The following EVC variants were observed in gnomAD, a reference collection of about 807,000 sequenced individuals.
EVC encodes EvC ciliary complex subunit 1.
EVC carries 116 observed loss-of-function variants against 118.9 expected under a neutral mutation model. The ratio of observed to expected loss-of-function variants is 0.98; its 90% CI spans 0.84 to 1.14. The LOEUF (loss-of-function observed/expected upper bound fraction) is 1.14, where lower values mean the gene tolerates loss of function less well. Ranked by LOEUF, EVC falls within the 50% of genes most tolerant of loss-of-function variation. EVC has a pLI of 0.00. For synonymous variants in EVC, 619 were observed against 534.7 expected, an observed-to-expected ratio of 1.16 and a Z score of -2.18; for missense variants, 1,401 against 1,246.4, an observed-to-expected ratio of 1.12 and a Z score of -1.87.
chr4:5,794,918 T>C (rs1307733560), intron 13 of EVC, among the ~76,000 whole-genome samples: 1 of 152,166 alleles, frequency 6.6e-6, no homozygotes, highest in Non-Finnish European at 1.5e-5. Context: ...CCAGGGTCTA[T>C]TGTTCCCATC....
At chr4:5,799,432 C>T (rs1395937410) in intron 15 of EVC, among the ~76,000 whole-genome samples, 2 of 152,188 alleles carry the variant, frequency 1.3e-5, no homozygotes, top group Non-Finnish European at 2.9e-5. Flanking sequence ...TTTTTCTTCC[C>T]GTTGGGAAAA....
intron 2 of EVC, among the ~76,000 whole-genome samples, chr4:5,723,265 C>T (rs534921343): frequency 1.3e-5 from 2 of 152,016 alleles, no homozygotes; most frequent in African/African-American, 4.8e-5. Flanking sequence ...TCTCGGCTCC[C>T]TGCAACCTCT....
chr4:5,802,791 TACAGATGAAGCTTCGCTC>T (rs1715241687), intron 16 of EVC, among the ~76,000 whole-genome samples: 1 of 152,134 alleles, frequency 6.6e-6, no homozygotes, highest in Admixed American at 6.5e-5. Context: ...CGGCTGTAAA[TACAGATGAAGCTTCGCTC>T]ACTCATCTGC....
chr4:5,825,652 C>T, the EVC span: 10 of 1,612,220 alleles, frequency 6.2e-6, no homozygotes, highest in Non-Finnish European at 8.5e-7. The surrounding 1 kb of genome is among the most constrained non-coding windows in gnomAD (Gnocchi z 4.4). Context: ...CCCTTGCAAT[C>T]CAAAAACCTA....
Position 5,749,556 on chromosome 4 carries a change from G to A in EVC, c.1098+1250G>A, listed in dbSNP as rs1577425954. On this transcript the variant is annotated intron_variant, in intron 8 of 20. Coordinates refer to ENST00000264956, the MANE Select transcript of EVC (RefSeq NM_153717.3). The surrounding 1 kb of genome is among the most constrained non-coding windows in gnomAD (Gnocchi z 4.4). ...CTGTTCCTCTATTTATAAAATAATA[G>A]TGCTAAGAGTTGCCACAGACAGGGC... Among the ~76,000 whole-genome samples the A allele has an allele frequency of 6.6e-6, 1 of 152,064 alleles. No homozygotes were observed. Among genetic ancestry groups the A allele is most frequent in the South Asian group, 2.1e-4 (1 of 4,824 alleles).
downstream of EVC, among the ~76,000 whole-genome samples, chr4:5,815,544 C>G (rs1717536169): frequency 6.6e-6 from 1 of 152,088 alleles, no homozygotes; most frequent in Admixed American, 6.5e-5. Flanking sequence ...CAGGCACTGT[C>G]TTGGGAGTGA....
At position 5,719,441 on chromosome 4, in the gene EVC, G is replaced by A. The variant is rs530042498; in HGVS notation, c.300+68G>A. On this transcript the variant is annotated intron_variant, in intron 2 of 20. Coordinates refer to ENST00000264956, the MANE Select transcript of EVC (RefSeq NM_153717.3). This position sits in a 1 kb window ranked among gnomAD's most constrained non-coding sequence, Gnocchi z 4.7. ...AGGTGGGGTATTCCCCCTGGAAGCC[G>A]GGTGTCATGTAGACAAGCCTCTGAC... The A allele has an allele frequency of 5.8e-5, 94 of 1,610,624 alleles. No individual in the cohort carries two copies. Among genetic ancestry groups the A allele is most frequent in the Admixed American group, 2.8e-4 (17 of 59,978 alleles).
At chr4:5,806,580 A>C (rs1386847861) in intron 17 of EVC, among the ~76,000 whole-genome samples, 3 of 152,160 alleles carry the variant, frequency 2.0e-5, no homozygotes, top group Non-Finnish European at 2.9e-5. Context: ...CATTTTCCTT[A>C]TCCAGTCCTC....
At chr4:5,745,390 A>AAATTTTAG (rs753313712) in intron 7 of EVC, 49 bp downstream of exon 7, 1 of 1,601,174 alleles carries the variant, frequency 6.2e-7, no homozygotes, top group Non-Finnish European at 8.6e-7. Context: ...TTCCTAAAAC[A>AAATTTTAG]GTTAAATTGG....
chr4:5,760,574 C>CT (rs1731853664), intron 11 of EVC, among the ~76,000 whole-genome samples: 1 of 152,110 alleles, frequency 6.6e-6, no homozygotes. Context: ...TGTTTTCAGA[C>CT]AGAGTTTAGC....
intron 11 of EVC, among the ~76,000 whole-genome samples, chr4:5,770,731 C>T (rs1733813154): frequency 6.6e-6 from 1 of 152,174 alleles, no homozygotes; most frequent in South Asian, 2.1e-4. Flanking sequence ...AATGAATTGG[C>T]TGGGAGTGTT....
downstream of EVC, among the ~76,000 whole-genome samples, chr4:5,818,105 C>A (rs565906311): frequency 6.6e-6 from 1 of 152,082 alleles, no homozygotes; most frequent in Non-Finnish European, 1.5e-5. Flanking sequence ...AGTTTCCCCC[C>A]ATACTGTTCT....
At chr4:5,769,480 CT>C (rs1057120753) in intron 11 of EVC, among the ~76,000 whole-genome samples, 4 of 57,770 alleles carry the variant, frequency 6.9e-5, no homozygotes, top group South Asian at 3.7e-4. Flanking sequence ...TGAATCCCCC[CT>C]GTCTCTCGGC....
In EVC at chr4:5,741,760, T is replaced by TA. The variant is rs1553871792; in HGVS notation, c.752dup (p.Lys252GlufsTer4). 3 of 1,573,884 alleles carry TA rather than the reference T, an allele frequency of 1.9e-6. No homozygotes were observed. The highest frequency in any genetic ancestry group is 2.6e-6 in the Non-Finnish European group (3 of 1,145,016). Reference sequence around the variant, plus strand: ...AAATGTGCCTCCTTGACCTTCTTCCTAAAAAGAAGTCAGATGATGAACTAT... The same window carrying TA: ...AAATGTGCCTCCTTGACCTTCTTCCTAAAAAAGAAGTCAGATGATGAACTAT... On this transcript the variant is annotated frameshift_variant, in exon 6 of 21. Coordinates refer to ENST00000264956, the MANE Select transcript of EVC (RefSeq NM_153717.3). LOFTEE classifies it high-confidence loss of function.
chr4:5,745,456 C>T (rs971036648), intron 7 of EVC, 115 bp downstream of exon 7: 3 of 1,093,874 alleles, frequency 2.7e-6, no homozygotes, highest in Middle Eastern at 2.2e-4. Flanking sequence ...TCCCCTATCG[C>T]ATTCTGCCCT....
chr4:5,746,959 G>T lies in EVC; in HGVS notation c.940-1189G>T, dbSNP rs1729445720. Among the ~76,000 whole-genome samples the T allele has an allele frequency of 6.6e-6, 1 of 152,110 alleles. No homozygotes were observed. On this transcript the variant is annotated intron_variant, in intron 7 of 20. Transcript: ENST00000264956. This position sits in a 1 kb window ranked among gnomAD's most constrained non-coding sequence, Gnocchi z 5.8. ...AAGCAGAGCGGGCTGTGTAGAGTTG[G>T]CAGGTGACAGTCTGCAGTCACGTGG...
Position 5,783,677 on chromosome 4 carries a change from G to A in EVC, c.1689G>A (p.Glu563=), listed in dbSNP as rs1209984570. ...ACTACTTGAGGCAGGAAGTCCAGGA[G>A]AACGCTGCCTGGCAGCTGGGGAAGT... is the stretch of plus-strand genomic sequence containing the variant. The part of the protein sequence containing the change: ...ECDYLRQEVQ[E]NAAWQLGKSN... The change falls in exon 12 of 21, where the codon GAG becomes GAA. Residue 563 remains glutamate, a synonymous_variant. Coordinates refer to ENST00000264956, the MANE Select transcript of EVC (RefSeq NM_153717.3). 1 of 1,614,206 alleles carries A rather than the reference G, an allele frequency of 6.2e-7. No individual in the cohort carries two copies. Among genetic ancestry groups the A allele is most frequent in the Non-Finnish European group, 8.5e-7 (1 of 1,180,036 alleles).
the EVC span, chr4:5,824,680 AT>A: frequency 1.0e-6 from 1 of 975,124 alleles, no homozygotes; most frequent in Non-Finnish European, 1.2e-6. Context: ...GACATCCTAG[AT>A]GTTGCCTCTT....
chr4:5,789,032 G>A lies in EVC; in HGVS notation c.1777-4576G>A, dbSNP rs569129591. Among the ~76,000 whole-genome samples, 67 of 152,074 alleles carry A rather than the reference G, an allele frequency of 4.4e-4. No homozygotes were observed. The highest frequency in any genetic ancestry group is 7.8e-4 in the Non-Finnish European group (53 of 68,022). ...ACATCCTGTATGCCACTAATTTTTA[G>A]GATACATATTTAAAAATATTTTAAC... On this transcript the variant is annotated intron_variant, in intron 12 of 20. Transcript: ENST00000264956. This position sits in a 1 kb window ranked among gnomAD's most constrained non-coding sequence, Gnocchi z 4.3.
Sources: allele counts gnomAD v4.1 joint callset (sites outside exome capture counted in the v4.1 genomes callset), GRCh38; gene constraint gnomAD v4.1.1; non-coding constraint Gnocchi (gnomAD v3.1); transcripts MANE v1.5; gene names NCBI Gene and HGNC (gene_info 2026-07-23, HGNC 2026-07-21).